Variants in SDCCAG8 observed in about 807,000 individuals in gnomAD.
SDCCAG8 encodes the protein SHH signaling and ciliogenesis regulator SDCCAG8.
In SDCCAG8, 74 loss-of-function variants were observed where a neutral mutation model predicts 101.8. The ratio of observed to expected loss-of-function variants is 0.73; its 90% CI spans 0.60 to 0.88. The LOEUF (loss-of-function observed/expected upper bound fraction) is 0.88. Ranked by LOEUF, SDCCAG8 falls within the 40% of genes least tolerant of loss-of-function variation. The pLI is 0.00. For missense variants in SDCCAG8, 787 were observed against 822.6 expected, an observed-to-expected ratio of 0.96 and a Z score of 0.53; for synonymous variants, 281 against 292.9, an observed-to-expected ratio of 0.96 and a Z score of 0.41.
At position 243,426,441 on chromosome 1, in the gene SDCCAG8, A is replaced by G. The variant is rs768111847; in HGVS notation, c.1868A>G (p.Gln623Arg). ...TTCACCTCTAGATCTGAAATAGCTC[A>G]ACTCAGTCAAGAAAAAAGGTATACA... ...ISQKTRSEIA[Q>R]LSQEKRYTYD... Residue 623 changes from glutamine to arginine, a missense_variant, in exon 16 of 18, where the codon CAA becomes CGA. Gln to Arg is a conservative substitution (Grantham distance 43, BLOSUM62 1). Coordinates refer to ENST00000366541, the MANE Select transcript of SDCCAG8 (RefSeq NM_006642.5). 2.5e-6 allele frequency: 4 copies of G among 1,613,560 alleles called. No individual in the cohort carries two copies. In the South Asian group the frequency reaches 3.3e-5, roughly 13 times the overall value.
chr1:243,280,543 T>A (rs983591203), intron 4 of SDCCAG8, among the ~76,000 whole-genome samples: 2 of 152,324 alleles, frequency 1.3e-5, no homozygotes, highest in African/African-American at 4.8e-5. Flanking sequence ...TTATTTGAAA[T>A]CTTTCTTCTT....
intron 8 of SDCCAG8, 95 bp downstream of exon 8, chr1:243,308,272 A>C: frequency 7.8e-7 from 1 of 1,283,166 alleles, no homozygotes; most frequent in Non-Finnish European, 1.1e-6. Context: ...GCTAAGTCAC[A>C]TGTGATTATT....
chr1:243,282,846 T>A (rs2069182844), intron 4 of SDCCAG8, among the ~76,000 whole-genome samples: 1 of 152,178 alleles, frequency 6.6e-6, no homozygotes. Flanking sequence ...TTTTGTTTTT[T>A]AATTATTATT....
At chr1:243,478,495 C>T (rs1425821071) in intron 16 of SDCCAG8, among the ~76,000 whole-genome samples, 6 of 152,128 alleles carry the variant, frequency 3.9e-5, no homozygotes, top group Admixed American at 3.9e-4. Flanking sequence ...CTGCAGGCAG[C>T]CAAGGCTAAT....
In SDCCAG8 at chr1:243,482,400, G is replaced by T. The variant is rs144987092; in HGVS notation, c.1986-6614G>T. On this transcript the variant is annotated intron_variant, in intron 16 of 17. Coordinates refer to ENST00000366541, the MANE Select transcript of SDCCAG8 (RefSeq NM_006642.5). ...TCAGCATCTGCCTTTAGAAACCCGG[G>T]CGTGTTTGTTCCCATGGTAACTGCT... 3.8e-3 allele frequency among the ~76,000 whole-genome samples: 576 copies of T among 152,300 alleles called. 4 individuals are homozygous for T. Among genetic ancestry groups the T allele is most frequent in the Non-Finnish European group, 6.5e-3 (440 of 68,026 alleles).
intron 16 of SDCCAG8, among the ~76,000 whole-genome samples, chr1:243,439,801 G>A (rs1444832562): frequency 6.6e-6 from 1 of 152,122 alleles, no homozygotes; most frequent in African/African-American, 2.4e-5. Context: ...GGAATGCAGG[G>A]CTATCTGATG....
intron 5 of SDCCAG8, 38 bp from the exon 6 acceptor site, chr1:243,293,053 T>A: frequency 2.5e-6 from 4 of 1,612,704 alleles, no homozygotes; most frequent in Non-Finnish European, 3.4e-6. Context: ...TTATTTAAAG[T>A]TGAATTCAGT....
At chr1:243,262,704 C>T (rs1430520892) in intron 1 of SDCCAG8, among the ~76,000 whole-genome samples, 1 of 152,092 alleles carries the variant, frequency 6.6e-6, no homozygotes, top group Non-Finnish European at 1.5e-5. Context: ...TAATAATATT[C>T]TCTCCTGGGA....
intron 6 of SDCCAG8, among the ~76,000 whole-genome samples, chr1:243,301,137 A>G (rs895913545): frequency 2.6e-5 from 4 of 152,224 alleles, no homozygotes; most frequent in Admixed American, 2.6e-4. Context: ...AGGAATGCAA[A>G]AAAACATAAA....
At chr1:243,490,235 G>A (rs1030148061) in intron 17 of SDCCAG8, among the ~76,000 whole-genome samples, 2 of 152,232 alleles carry the variant, frequency 1.3e-5, no homozygotes, top group African/African-American at 2.4e-5. Flanking sequence ...CAGTAAATGA[G>A]CACACCCAGG....
At chr1:243,380,817 T>C (rs2077898461) in intron 13 of SDCCAG8, among the ~76,000 whole-genome samples, 1 of 152,232 alleles carries the variant, frequency 6.6e-6, no homozygotes, top group African/African-American at 2.4e-5. Context: ...TCATGTTTTA[T>C]AAAATCCACA....
intron 16 of SDCCAG8, among the ~76,000 whole-genome samples, chr1:243,464,801 C>T (rs947492668): frequency 3.9e-5 from 6 of 152,226 alleles, no homozygotes; most frequent in Non-Finnish European, 1.5e-5. Context: ...CTCCTTCCTG[C>T]TGGATGACCC....
intron 15 of SDCCAG8, 112 bp from the exon 16 acceptor site, chr1:243,426,315 A>T: frequency 1.1e-6 from 1 of 922,652 alleles, no homozygotes; most frequent in Non-Finnish European, 1.7e-6. Flanking sequence ...AGTTTTCATT[A>T]TGCTATCATG....
intron 16 of SDCCAG8, among the ~76,000 whole-genome samples, chr1:243,480,194 C>T (rs1161095371): frequency 2.0e-5 from 3 of 150,208 alleles, no homozygotes; most frequent in African/African-American, 4.9e-5. Flanking sequence ...TCCAGGGGGC[C>T]GTGTGGAAGC....
rs577599192 is a variant in SDCCAG8, at chr1:243,438,532, G to T, written c.1985+11974G>T. 2.0e-5 allele frequency among the ~76,000 whole-genome samples: 3 copies of T among 152,224 alleles called. No homozygotes were observed. In the South Asian group the frequency reaches 6.2e-4, roughly 32 times the overall value. ...TGGGAGTGATTGTGTGTGTGTGTGT[G>T]TGTGTGTGTGTGTCTATGCACACGT... is the stretch of plus-strand genomic sequence containing the variant. On this transcript the variant is annotated intron_variant, in intron 16 of 17. Coordinates refer to ENST00000366541, the MANE Select transcript of SDCCAG8 (RefSeq NM_006642.5).
At chr1:243,285,725 G>A (rs1488064351) in intron 4 of SDCCAG8, among the ~76,000 whole-genome samples, 1 of 152,058 alleles carries the variant, frequency 6.6e-6, no homozygotes, top group Non-Finnish European at 1.5e-5. Context: ...TTATTGATTT[G>A]TAATTCTTTA....
chr1:243,431,109 A>C (rs2081733218), intron 16 of SDCCAG8, among the ~76,000 whole-genome samples: 1 of 152,162 alleles, frequency 6.6e-6, no homozygotes, highest in Non-Finnish European at 1.5e-5. Context: ...AGGCAGGAGA[A>C]TCACTTGAAC....
chr1:243,264,045 G>A (rs939770520), intron 1 of SDCCAG8, among the ~76,000 whole-genome samples: 1 of 152,062 alleles, frequency 6.6e-6, no homozygotes, highest in Admixed American at 6.6e-5. Flanking sequence ...CTCATATCTC[G>A]GCCTCGGGAG....
chr1:243,335,783 C>T (rs558649556), intron 10 of SDCCAG8, among the ~76,000 whole-genome samples: 1 of 151,832 alleles, frequency 6.6e-6, no homozygotes, highest in Non-Finnish European at 1.5e-5. Flanking sequence ...AACCCCTACC[C>T]CACTCCCTCC....
Sources: allele counts gnomAD v4.1 joint callset (sites outside exome capture counted in the v4.1 genomes callset), GRCh38; gene constraint gnomAD v4.1.1; transcripts MANE v1.5; gene names NCBI Gene and HGNC (gene_info 2026-07-23, HGNC 2026-07-21).